SLC6A17: variants seen among roughly 807,000 people sequenced by gnomAD.
SLC6A17 encodes solute carrier family 6 member 17.
A neutral mutation model predicts 64.5 loss-of-function variants in SLC6A17; 21 were observed. That is an observed-to-expected ratio of 0.33 (90% CI 0.23 to 0.47). The LOEUF (loss-of-function observed/expected upper bound fraction) is 0.47. Ranked by LOEUF, SLC6A17 falls within the 20% of genes least tolerant of loss-of-function variation. The probability of loss-of-function intolerance (pLI) is 1.00; values close to 1 mark genes in which losing one functional copy is unlikely to be tolerated. For synonymous variants in SLC6A17, 372 were observed against 399.5 expected (o/e 0.93, Z 0.82); for missense variants, 682 against 963.2 (o/e 0.71, Z 3.86).
chr1:110,161,486 G>T (rs1655907828), intron 1 of SLC6A17, among the ~76,000 whole-genome samples: 1 of 152,108 alleles, frequency 6.6e-6, no homozygotes, highest in Admixed American at 6.5e-5. Flanking sequence ...ACTCTTTCCA[G>T]AGCCACAAGA....
chr1:110,159,598 C>T (rs892682495), intron 1 of SLC6A17, among the ~76,000 whole-genome samples: 6 of 152,232 alleles, frequency 3.9e-5, no homozygotes, highest in African/African-American at 1.4e-4. Context: ...TGTGTCAGGA[C>T]TGTGCCCACC....
chr1:110,197,377 G>C (rs1425171713), intron 10 of SLC6A17, 60 bp from the exon 11 acceptor site: 19 of 1,554,456 alleles, frequency 1.2e-5, no homozygotes, highest in Non-Finnish European at 1.6e-5. Context: ...ATGGTGATGG[G>C]GGAAGAGGGA....
At chr1:110,181,747 G>C (rs1656529837) in intron 6 of SLC6A17, among the ~76,000 whole-genome samples, 1 of 151,974 alleles carries the variant, frequency 6.6e-6, no homozygotes, top group Admixed American at 6.6e-5. Flanking sequence ...AGGCTATGTG[G>C]ATATTTAGAA....
intron 3 of SLC6A17, 193 bp downstream of exon 3, chr1:110,172,410 G>A (rs1028126211): frequency 7.4e-5 from 52 of 701,582 alleles, no homozygotes; most frequent in South Asian, 2.8e-4. Context: ...ACTGAGAGTC[G>A]ACCACGTTGC....
intron 9 of SLC6A17, 151 bp downstream of exon 9, chr1:110,194,922 A>G (rs1321327610): frequency 3.2e-6 from 3 of 933,074 alleles, no homozygotes; most frequent in Admixed American, 2.1e-5. Flanking sequence ...TGTGCCACTC[A>G]GTGATTAGCA....
Position 110,167,021 on chromosome 1 carries a change from T to C in SLC6A17, c.92T>C (p.Val31Ala). 1 of 1,612,996 alleles carries C rather than the reference T, an allele frequency of 6.2e-7. No individual in the cohort carries two copies. The highest frequency in any genetic ancestry group is 8.5e-7 in the Non-Finnish European group (1 of 1,179,550). ...GACCTGCTGGCCCTCGAGGAGCCTG[T>C]GGACTATAAGCAGAGTGTACTGAAT... ...VADLLALEEPVDYKQSVLNVA... is the reference protein window; with the variant it reads ...VADLLALEEPADYKQSVLNVA... The change falls in exon 2 of 12, where the codon GTG becomes GCG. Residue 31 changes from valine (V) to alanine (A), a missense_variant. Around this residue, in one of 3 missense-constraint regions of SLC6A17, gnomAD observed 415 missense variants for 603.8 expected, o/e 0.69. Transcript: ENST00000331565.
rs910521246 is a variant in SLC6A17 at position 110,192,911 on chromosome 1, T to C, written c.1299+213T>C. ...GGTAGGCTTGAGCCTAGACAAGAAG[T>C]AGGGCAGACACACACCTCTCAGAAG... On this transcript the variant is annotated intron_variant, in intron 8 of 11. Transcript: ENST00000331565. This position sits in a 1 kb window ranked among gnomAD's most constrained non-coding sequence, Gnocchi z 4.3. Among the ~76,000 whole-genome samples, 3 of 152,184 alleles carry C rather than the reference T, an allele frequency of 2.0e-5. No homozygotes were observed. Among genetic ancestry groups the C allele is most frequent in the African/African-American group, 7.2e-5 (3 of 41,442 alleles).
chr1:110,197,169 C>T (rs147831964), intron 10 of SLC6A17, among the ~76,000 whole-genome samples: 100 of 152,326 alleles, frequency 6.6e-4, no homozygotes, highest in South Asian at 3.1e-3. Flanking sequence ...ATAAAACAGA[C>T]GTGCACCTGC....
intron 2 of SLC6A17, among the ~76,000 whole-genome samples, chr1:110,170,038 C>G (rs1202923344): frequency 6.6e-6 from 1 of 152,122 alleles, no homozygotes. Flanking sequence ...CCACCCCTGT[C>G]ACTCTTTGGC....
chr1:110,156,507 A>ACCAGTAT (rs2101836863), intron 1 of SLC6A17, among the ~76,000 whole-genome samples: 1 of 152,344 alleles, frequency 6.6e-6, no homozygotes, highest in African/African-American at 2.4e-5. Context: ...ATTGGAACAT[A>ACCAGTAT]CCAGTATGTC....
At chr1:110,190,175 G>A (rs961667922) in intron 6 of SLC6A17, among the ~76,000 whole-genome samples, 31 of 152,118 alleles carry the variant, frequency 2.0e-4, no homozygotes, top group African/African-American at 7.5e-4. Flanking sequence ...GTGGGCTGGG[G>A]AGAGGGTCTC....
chr1:110,162,320 C>T (rs1655935308), intron 1 of SLC6A17, among the ~76,000 whole-genome samples: 3 of 152,244 alleles, frequency 2.0e-5, no homozygotes, highest in Admixed American at 2.0e-4. Flanking sequence ...GTTACAGGTG[C>T]CTGGGGCAGG....
chr1:110,196,705 G>A (rs552333946), intron 10 of SLC6A17, among the ~76,000 whole-genome samples: 1 of 152,292 alleles, frequency 6.6e-6, no homozygotes, highest in East Asian at 1.9e-4. Flanking sequence ...ATATAGTAAT[G>A]TATGAGCACT....
chr1:110,173,902 C>CG, intron 3 of SLC6A17, 71 bp from the exon 4 acceptor site: 2 of 1,537,476 alleles, frequency 1.3e-6, no homozygotes, highest in Non-Finnish European at 1.8e-6. Context: ...CGTGCTGGGC[C>CG]TCGGGTGGAG....
intron 6 of SLC6A17, among the ~76,000 whole-genome samples, chr1:110,191,478 C>G (rs903838222): frequency 6.6e-6 from 1 of 151,854 alleles, no homozygotes; most frequent in African/African-American, 2.4e-5. Context: ...GGTTTTTTTT[C>G]CTTTCATGAG....
intron 1 of SLC6A17, among the ~76,000 whole-genome samples, chr1:110,161,698 C>A (rs1655912843): frequency 6.6e-6 from 1 of 152,180 alleles, no homozygotes; most frequent in Non-Finnish European, 1.5e-5. Flanking sequence ...GCAAGAAACA[C>A]CCCAGGCCCA....
At chr1:110,179,488 G>C (rs904048878) in intron 6 of SLC6A17, among the ~76,000 whole-genome samples, 3 of 151,278 alleles carry the variant, frequency 2.0e-5, no homozygotes, top group Admixed American at 1.3e-4. Flanking sequence ...TGAGCAGTAG[G>C]GGGTGCTTCT....
At chr1:110,151,271 C>T (rs889501083) in intron 1 of SLC6A17, among the ~76,000 whole-genome samples, 1 of 152,198 alleles carries the variant, frequency 6.6e-6, no homozygotes, top group Non-Finnish European at 1.5e-5. Flanking sequence ...GCGCCCAGGG[C>T]GCAGTTCCAC....
At chr1:110,183,393 A>G (rs1011465942) in intron 6 of SLC6A17, among the ~76,000 whole-genome samples, 8 of 152,240 alleles carry the variant, frequency 5.3e-5, no homozygotes, top group African/African-American at 9.6e-5. Context: ...TATGAGTCCA[A>G]TGATATGAAA....
Sources: allele counts gnomAD v4.1 joint callset (sites outside exome capture counted in the v4.1 genomes callset), GRCh38; gene constraint gnomAD v4.1.1; regional missense constraint gnomAD v4.1.1; non-coding constraint Gnocchi (gnomAD v3.1); transcripts MANE v1.5; gene names NCBI Gene and HGNC (gene_info 2026-07-23, HGNC 2026-07-21).